The following AIF1L variants were observed in gnomAD, a reference collection of about 807,000 sequenced individuals.
AIF1L encodes allograft inflammatory factor 1-like.
Under a neutral mutation model 20.7 loss-of-function variants are expected in AIF1L, and 12 were observed. The observed-to-expected ratio is 0.58, with a 90% CI of 0.37 to 0.94. AIF1L has a LOEUF of 0.94. AIF1L is among the 40% of genes least tolerant of loss of function. The pLI, the probability that AIF1L is intolerant of heterozygous loss-of-function variation, is 0.01. For synonymous variants in AIF1L, 76 were observed against 65.1 expected (o/e 1.17, Z -0.81); for missense variants, 173 against 185.3 (o/e 0.93, Z 0.39).
chr9:131,115,449 C>CAAAAAAAAAAAAAAAA (rs746698091), intron 4 of AIF1L, among the ~76,000 whole-genome samples: 1 of 60,400 alleles, frequency 1.7e-5, no homozygotes, highest in Non-Finnish European at 2.7e-5. Context: ...GATTCTGTCT[C>CAAAAAAAAAAAAAAAA]AAAAAAAAAA....
In AIF1L at chr9:131,121,146, G is replaced by A; in HGVS notation, c.*824G>A. 2 of 713,624 alleles carry A rather than the reference G, an allele frequency of 2.8e-6. No homozygotes were observed. Among genetic ancestry groups the A allele is most frequent in the East Asian group, 2.7e-5 (1 of 37,200 alleles). The allele number at this position is 713,624 out of a possible 1,614,324, so 44.2% of individuals were successfully genotyped here. On this transcript the variant is annotated 3_prime_UTR_variant, in exon 6 of 6. Transcript: ENST00000247291. Reference sequence around the variant, plus strand: ...GAGGGGACCAGGATGGGAGAATGAGGAGTAAAATGCTCACGGCAAAGTCAG... The same window carrying A: ...GAGGGGACCAGGATGGGAGAATGAGAAGTAAAATGCTCACGGCAAAGTCAG...
rs1012905522 is a variant in AIF1L at position 131,120,653 on chromosome 9, C to T, written c.*331C>T. 6.3e-6 allele frequency: 2 copies of T among 316,092 alleles called. No homozygotes were observed. The highest frequency in any genetic ancestry group is 1.2e-5 in the Non-Finnish European group (2 of 172,964). 19.6% of individuals were successfully genotyped at this position (316,092 alleles called of 1,614,324 possible). On this transcript the variant is annotated 3_prime_UTR_variant, in exon 6 of 6. Transcript: ENST00000247291. ...TTCCCCTCACTTGGAGGAACCAGCA[C>T]TCTCCATCCTTTCAGAAAGTCTCCA...
chr9:131,096,672 C>G lies in AIF1L; in HGVS notation c.31+12C>G, dbSNP rs1309652279. 2.0e-6 allele frequency: 3 copies of G among 1,475,022 alleles called. No homozygotes were observed. The highest frequency in any genetic ancestry group is 1.3e-5 in the South Asian group (1 of 76,910). The allele number at this position is 1,475,022 out of a possible 1,614,324, so 91.4% of individuals were successfully genotyped here. On this transcript the variant is annotated intron_variant, in intron 1 of 5. Transcript: ENST00000247291. The stretch of plus-strand genomic sequence containing the variant: ...CAACAGGTTCCAAGGTAGGCGCCGC[C>G]GTCCCCGAGCAGCCACCTGTGCGCG...
chr9:131,114,872 C>T (rs535183290), intron 4 of AIF1L, among the ~76,000 whole-genome samples: 3 of 152,304 alleles, frequency 2.0e-5, no homozygotes, highest in East Asian at 1.9e-4. Context: ...GGACTCAGGA[C>T]AGAGGGTGCC....
intron 2 of AIF1L, among the ~76,000 whole-genome samples, chr9:131,100,342 G>A (rs1830610275): frequency 6.6e-6 from 1 of 152,230 alleles, no homozygotes. Context: ...AGTTTTTGCT[G>A]TAGTTTTCTG....
chr9:131,114,873 AGAG>A (rs889418159), intron 4 of AIF1L, among the ~76,000 whole-genome samples: 6 of 151,998 alleles, frequency 3.9e-5, no homozygotes, highest in Non-Finnish European at 8.8e-5. Flanking sequence ...GACTCAGGAC[AGAG>A]GGTGCCACAC....
chr9:131,116,657 C>T (rs973269075), intron 4 of AIF1L, among the ~76,000 whole-genome samples: 1 of 152,164 alleles, frequency 6.6e-6, no homozygotes, highest in African/African-American at 2.4e-5. Context: ...TGGATGCCTT[C>T]CAATTTTAAC....
At chr9:131,104,984 T>G (rs1830714673) in intron 2 of AIF1L, among the ~76,000 whole-genome samples, 1 of 152,164 alleles carries the variant, frequency 6.6e-6, no homozygotes, top group Non-Finnish European at 1.5e-5. Context: ...TTTCTTTATT[T>G]TGCTTTTCTT....
At chr9:131,102,912 C>T (rs1225418283) in intron 2 of AIF1L, 2 of 456,288 alleles carry the variant, frequency 4.4e-6, no homozygotes, top group Non-Finnish European at 8.8e-6. Flanking sequence ...TCCGCCCACC[C>T]CAAAATTCTG....
rs1242160812 is a variant in AIF1L at position 131,120,842 on chromosome 9, G to A, written c.*520G>A. The stretch of plus-strand genomic sequence containing the variant: ...CCAGGACACAGCCACTCGGGGCCCC[G>A]CTGCCCCAGCTGATCCCCACTCATT... On this transcript the variant is annotated 3_prime_UTR_variant, in exon 6 of 6. Transcript: ENST00000247291. The A allele has an allele frequency of 2.3e-6, 1 of 435,848 alleles. No individual in the cohort carries two copies. Among genetic ancestry groups the A allele is most frequent in the Non-Finnish European group, 4.1e-6 (1 of 246,566 alleles). 27.0% of individuals were successfully genotyped at this position (435,848 alleles called of 1,614,324 possible).
intron 2 of AIF1L, among the ~76,000 whole-genome samples, chr9:131,097,791 C>T (rs117131466): frequency 6.6e-6 from 1 of 152,358 alleles, no homozygotes; most frequent in Non-Finnish European, 1.5e-5. Context: ...CCTCTCATCT[C>T]CAAGCAGGGC....
chr9:131,113,117 A>G (rs937613781), intron 3 of AIF1L, among the ~76,000 whole-genome samples: 17 of 152,026 alleles, frequency 1.1e-4, no homozygotes, highest in African/African-American at 4.1e-4. Flanking sequence ...GGGAAATACA[A>G]GGTTAGCAGA....
intron 3 of AIF1L, 140 bp downstream of exon 3, chr9:131,111,803 C>T: frequency 1.1e-6 from 1 of 878,576 alleles, no homozygotes; most frequent in Non-Finnish European, 1.8e-6. Flanking sequence ...CTGGAGAAGG[C>T]TTGGAGACAG....
chr9:131,111,297 T>C (rs1459880157), intron 2 of AIF1L: 1 of 325,774 alleles, frequency 3.1e-6, no homozygotes, highest in Admixed American at 4.5e-5. Context: ...GAAGCTGGGG[T>C]GTCTTGGGGG....
At chr9:131,102,599 G>A (rs1830662364) in intron 2 of AIF1L, among the ~76,000 whole-genome samples, 1 of 152,240 alleles carries the variant, frequency 6.6e-6, no homozygotes, top group African/African-American at 2.4e-5. Context: ...TCTGCAGGGT[G>A]TGCTTTATTG....
intron 3 of AIF1L, 23 bp from the exon 4 acceptor site, chr9:131,114,554 A>C: frequency 6.2e-7 from 1 of 1,613,678 alleles, no homozygotes; most frequent in Non-Finnish European, 8.5e-7. Context: ...AACTAATGCT[A>C]GTTTTTGCTC....
chr9:131,110,608 A>G (rs1482200869), intron 2 of AIF1L, among the ~76,000 whole-genome samples: 1 of 149,782 alleles, frequency 6.7e-6, no homozygotes, highest in Admixed American at 6.7e-5. Flanking sequence ...GGTTTAAGCT[A>G]TTCTCCTGCC....
At chr9:131,103,693 G>T (rs1830685026) in intron 2 of AIF1L, among the ~76,000 whole-genome samples, 1 of 152,166 alleles carries the variant, frequency 6.6e-6, no homozygotes, top group Non-Finnish European at 1.5e-5. Flanking sequence ...ACTCAGTGAG[G>T]AGGTTCTGCA....
intron 4 of AIF1L, 56 bp from the exon 5 acceptor site, chr9:131,117,700 C>G (rs1002734258): frequency 1.3e-6 from 2 of 1,510,316 alleles, no homozygotes; most frequent in African/African-American, 1.4e-5. Context: ...TCCCAGCTTC[C>G]CTGCTAAGCC....
Sources: gnomAD v4.1 joint callset for allele counts (sites outside exome capture counted in the v4.1 genomes callset) on GRCh38, gnomAD v4.1.1 for gene constraint, MANE v1.5 for transcripts, NCBI Gene and HGNC (gene_info 2026-07-23, HGNC 2026-07-21) for gene names.